ADGRV1: variants seen among roughly 807,000 people sequenced by gnomAD.
ADGRV1 encodes the protein G-protein coupled receptor 98.
In ADGRV1, 359 loss-of-function variants were observed where a neutral mutation model predicts 596.2. The ratio of observed to expected loss-of-function variants is 0.60; its 90% CI spans 0.55 to 0.66. ADGRV1 has a LOEUF of 0.66. Ranked by LOEUF, ADGRV1 falls within the 30% of genes least tolerant of loss-of-function variation. The probability of loss-of-function intolerance (pLI) is 0.00; values close to 1 mark genes in which losing one functional copy is unlikely to be tolerated. For missense variants in ADGRV1, 7,274 were observed against 7,575.6 expected (o/e 0.96, Z 1.48); for synonymous variants, 2,681 against 2,679.2 (o/e 1.00, Z -0.02).
At chr5:90,815,901 G>T (rs979205375) in intron 75 of ADGRV1, among the ~76,000 whole-genome samples, 165 bp downstream of exon 75, 1 of 152,080 alleles carries the variant, frequency 6.6e-6, no homozygotes, top group South Asian at 2.1e-4. Flanking sequence ...ATGGTACTTC[G>T]TTTATGATCA....
chr5:91,144,980 C>T (rs1007009426), intron 87 of ADGRV1, among the ~76,000 whole-genome samples: 10 of 152,204 alleles, frequency 6.6e-5, no homozygotes, highest in East Asian at 1.9e-4. Flanking sequence ...GTGTTTGGAA[C>T]GGGGACTTGT....
At chr5:91,051,835 C>T (rs1786362819) in intron 85 of ADGRV1, among the ~76,000 whole-genome samples, 1 of 152,030 alleles carries the variant, frequency 6.6e-6, no homozygotes, top group Non-Finnish European at 1.5e-5. Context: ...ATTTGGCATC[C>T]TTGTTTATGT....
intron 83 of ADGRV1, among the ~76,000 whole-genome samples, chr5:90,935,291 A>G (rs1581567280): frequency 6.6e-6 from 1 of 152,242 alleles, no homozygotes; most frequent in Non-Finnish European, 1.5e-5. Flanking sequence ...ATACTTTCAC[A>G]TACTCCATAG....
chr5:90,886,318 C>A (rs1770278984), intron 83 of ADGRV1, among the ~76,000 whole-genome samples: 1 of 152,124 alleles, frequency 6.6e-6, no homozygotes, highest in Non-Finnish European at 1.5e-5. Flanking sequence ...CCTCTCCTGG[C>A]CAACTACCAA....
chr5:90,633,462 A>G (rs1765757800), intron 9 of ADGRV1, among the ~76,000 whole-genome samples: 1 of 152,106 alleles, frequency 6.6e-6, no homozygotes, highest in African/African-American at 2.4e-5. Context: ...ATATACAGCA[A>G]TGACAATGTT....
intron 87 of ADGRV1, among the ~76,000 whole-genome samples, chr5:91,137,929 G>A (rs909430161): frequency 2.6e-5 from 4 of 152,212 alleles, no homozygotes; most frequent in African/African-American, 7.2e-5. Context: ...CTGGATTTAC[G>A]TAAGGATAAA....
At chr5:91,073,774 G>A (rs762864238) in intron 86 of ADGRV1, among the ~76,000 whole-genome samples, 7 of 151,986 alleles carry the variant, frequency 4.6e-5, no homozygotes, top group Non-Finnish European at 7.4e-5. Context: ...CTTGGCTCAC[G>A]GCAGCCTCTG....
intron 1 of ADGRV1, among the ~76,000 whole-genome samples, chr5:90,586,088 T>G (rs1038513485): frequency 3.3e-5 from 5 of 152,220 alleles, no homozygotes; most frequent in Admixed American, 1.3e-4. Flanking sequence ...CTTTGATTAT[T>G]ATGTGGAGTG....
intron 87 of ADGRV1, among the ~76,000 whole-genome samples, chr5:91,121,110 G>C (rs1793280309): frequency 6.6e-6 from 1 of 152,176 alleles, no homozygotes; most frequent in African/African-American, 2.4e-5. Context: ...GGAAGAGGAG[G>C]CTGCAGTGAG....
chr5:90,996,335 G>C (rs1781413902), intron 85 of ADGRV1, among the ~76,000 whole-genome samples: 1 of 152,162 alleles, frequency 6.6e-6, no homozygotes, highest in Admixed American at 6.5e-5. Context: ...CTCCAGCTGT[G>C]GCAAAAAGGG....
chr5:90,581,050 T>C (rs1480074177), intron 1 of ADGRV1, among the ~76,000 whole-genome samples: 2 of 152,242 alleles, frequency 1.3e-5, no homozygotes, highest in Non-Finnish European at 1.5e-5. Flanking sequence ...GAATTGGCTA[T>C]TGAAGCTTGT....
At chr5:90,878,806 G>A (rs1282847040) in intron 83 of ADGRV1, among the ~76,000 whole-genome samples, 2 of 152,168 alleles carry the variant, frequency 1.3e-5, no homozygotes, top group African/African-American at 4.8e-5. Context: ...ATGGTGTAGT[G>A]TAGGTGTCAC....
At chr5:90,765,133 C>T (rs1756961910) in intron 59 of ADGRV1, among the ~76,000 whole-genome samples, 1 of 152,104 alleles carries the variant, frequency 6.6e-6, no homozygotes, top group African/African-American at 2.4e-5. Flanking sequence ...TCCTGGCTCT[C>T]TTCCCCCAGT....
Position 90,774,206 on chromosome 5 carries a change from TGTGTTGCACACACTTCAAGACACA to T in ADGRV1, c.12313_12336del (p.His4105_Leu4112del). On this transcript the variant is annotated inframe_deletion, in exon 60 of 90. Transcript: ENST00000405460. ...TGTAGACTGAGTCCCAGAAGACCAT[TGTGTTGCACACACTTCAAGACACA>T]GTGTTGGAGGAGGACAGGCGTTTCA... 1 of 1,606,328 alleles carries T rather than the reference TGTGTTGCACACACTTCAAGACACA, an allele frequency of 6.2e-7. No individual in the cohort carries two copies. The highest frequency in any genetic ancestry group is 8.5e-7 in the Non-Finnish European group (1 of 1,174,486).
intron 87 of ADGRV1, among the ~76,000 whole-genome samples, chr5:91,106,114 T>C (rs888501264): frequency 2.0e-5 from 3 of 152,140 alleles, no homozygotes; most frequent in Non-Finnish European, 4.4e-5. Context: ...TTTAGGTCTT[T>C]GATCCATTTT....
intron 1 of ADGRV1, among the ~76,000 whole-genome samples, chr5:90,599,346 G>C (rs1360956657): frequency 1.3e-5 from 2 of 151,994 alleles, no homozygotes; most frequent in African/African-American, 2.4e-5. Flanking sequence ...TAAACTCTTA[G>C]GCATTCCCTA....
chr5:90,658,384 C>A, intron 21 of ADGRV1, 106 bp downstream of exon 21: 2 of 1,042,016 alleles, frequency 1.9e-6, no homozygotes, highest in East Asian at 2.5e-5. Flanking sequence ...GCATCTACTC[C>A]AAGTCCAGAA....
chr5:91,127,187 T>G (rs1793831607), intron 87 of ADGRV1, among the ~76,000 whole-genome samples: 1 of 152,154 alleles, frequency 6.6e-6, no homozygotes, highest in Admixed American at 6.5e-5. Flanking sequence ...CTAGTTGCTA[T>G]TATCCCTTGA....
At position 90,810,714 on chromosome 5, in the gene ADGRV1, C is replaced by T. The variant is rs755187931; in HGVS notation, c.15454C>T (p.Pro5152Ser). The part of the protein sequence containing the change: ...VAVAVDTTLI[P>S]VETESTTYLS... ...TGTAGCAGTTGACACAACTCTCATT[C>T]CTGTAGAAACTGAATCCACCACATA... The change falls in exon 74 of 90, where the codon CCT becomes TCT. Residue 5152 changes from proline (P) to serine (S), a missense_variant. By Grantham distance (74) the Pro-to-Ser change is moderately conservative. Transcript: ENST00000405460. 10 of 1,613,692 alleles carry T rather than the reference C, an allele frequency of 6.2e-6. No individual in the cohort carries two copies. In the Middle Eastern group the frequency reaches 9.9e-4, roughly 159 times the overall value.
Sources: gnomAD v4.1 joint callset for allele counts (sites outside exome capture counted in the v4.1 genomes callset) on GRCh38, gnomAD v4.1.1 for gene constraint, MANE v1.5 for transcripts, NCBI Gene and HGNC (gene_info 2026-07-23, HGNC 2026-07-21) for gene names.